The following GALNT10 variants were observed in gnomAD, a reference collection of about 807,000 sequenced individuals.
The protein encoded by GALNT10 is GalNAc transferase 10.
Under a neutral mutation model 75.0 loss-of-function variants are expected in GALNT10, and 41 were observed. The observed-to-expected ratio is 0.55, with a 90% CI of 0.43 to 0.71. The LOEUF is 0.71. Ranked by LOEUF, GALNT10 falls within the 30% of genes least tolerant of loss-of-function variation. The pLI, the probability that GALNT10 is intolerant of heterozygous loss-of-function variation, is 0.00. For missense variants in GALNT10, 727 were observed against 818.5 expected (o/e 0.89, Z 1.36); for synonymous variants, 302 against 313.0 (o/e 0.96, Z 0.37).
At chr5:154,396,562 A>G (rs1485974792) in intron 7 of GALNT10, among the ~76,000 whole-genome samples, 1 of 152,164 alleles carries the variant, frequency 6.6e-6, no homozygotes, top group Non-Finnish European at 1.5e-5. Flanking sequence ...CCCAGGTTCC[A>G]TTTTGGGTTC....
intron 1 of GALNT10, among the ~76,000 whole-genome samples, chr5:154,229,557 T>C (rs1753115461): frequency 1.3e-5 from 2 of 151,458 alleles, no homozygotes; most frequent in South Asian, 4.2e-4. Context: ...TGAAACCCCA[T>C]CTCTACTAAA....
At chr5:154,250,590 C>T (rs1421769272) in intron 1 of GALNT10, among the ~76,000 whole-genome samples, 1 of 152,098 alleles carries the variant, frequency 6.6e-6, no homozygotes, top group Non-Finnish European at 1.5e-5. Context: ...TTCCAGACAT[C>T]ACACATAGAC....
At chr5:154,321,818 C>T (rs1169720545) in intron 3 of GALNT10, among the ~76,000 whole-genome samples, 1 of 152,144 alleles carries the variant, frequency 6.6e-6, no homozygotes, top group Non-Finnish European at 1.5e-5. Context: ...GCACCTGCCC[C>T]CTAGAGAGGG....
In GALNT10 at chr5:154,404,156, ATATC is replaced by A. The variant is rs761058280; in HGVS notation, c.1112_1115del (p.Ile371ThrfsTer68). 10 of 1,613,480 alleles carry A rather than the reference ATATC, an allele frequency of 6.2e-6. No homozygotes were observed. The East Asian group carries it at 2.2e-4, about 36-fold the overall frequency. On this transcript the variant is annotated frameshift_variant, in exon 8 of 12. Transcript: ENST00000297107. LOFTEE classifies it high-confidence loss of function. ...GACATCCCCTGCTCCAGGGTGGGCC[ATATC>A]TACAGGAAGTATGTGCCCTACAAGG...
chr5:154,355,485 A>C (rs27827), intron 4 of GALNT10, among the ~76,000 whole-genome samples: 106,216 of 152,086 alleles, frequency 0.7, 37,168 homozygotes, highest in Admixed American at 0.77. Context: ...CCTGCCTCTC[A>C]AGCTCAGGAG....
At chr5:154,287,819 C>T (rs1027856808) in intron 1 of GALNT10, among the ~76,000 whole-genome samples, 7 of 151,956 alleles carry the variant, frequency 4.6e-5, no homozygotes, top group Non-Finnish European at 8.8e-5. Context: ...CTTGTTTAAA[C>T]TTTATATGCT....
At chr5:154,308,861 T>C (rs1754471095) in intron 3 of GALNT10, among the ~76,000 whole-genome samples, 2 of 152,168 alleles carry the variant, frequency 1.3e-5, no homozygotes, top group Non-Finnish European at 2.9e-5. Flanking sequence ...CAAATATCTA[T>C]TGAGTGTCTA....
intron 1 of GALNT10, among the ~76,000 whole-genome samples, chr5:154,217,660 C>T (rs1230784049): frequency 6.6e-6 from 1 of 152,196 alleles, no homozygotes; most frequent in Non-Finnish European, 1.5e-5. Context: ...TGTCCACACC[C>T]CTGTCACCAA....
rs70978534 is a variant in GALNT10, at chr5:154,294,976, TTGTGTGTGTGTGTG to T, written c.262+78_262+91del. 1,221 of 610,460 alleles carry T rather than the reference TTGTGTGTGTGTGTG, an allele frequency of 2.0e-3. 9 individuals carry two copies. In the African/African-American group the frequency reaches 0.021, roughly 11 times the overall value. The allele number at this position is 610,460 out of a possible 1,614,324, so 37.8% of individuals were successfully genotyped here. On this transcript the variant is annotated intron_variant, in intron 2 of 11. Coordinates refer to ENST00000297107, the MANE Select transcript of GALNT10 (RefSeq NM_198321.4). ...CTGTGAAGGGCATATGCACATATGCTTGTGTGTGTGTGTGTGTGTGTGTGTGTGTGTGTTCATGT... is the reference window on the plus strand; with the variant it reads ...CTGTGAAGGGCATATGCACATATGCTTGTGTGTGTGTGTGTGTGTTCATGT...
At chr5:154,318,900 A>G (rs896383) in intron 3 of GALNT10, among the ~76,000 whole-genome samples, 109,412 of 152,172 alleles carry the variant, frequency 0.72, 39,924 homozygotes, top group Admixed American at 0.83. Context: ...TAATCAGACC[A>G]TAAACCAAAG....
chr5:154,411,104 G>A (rs2034578), intron 9 of GALNT10, among the ~76,000 whole-genome samples: 50,981 of 152,030 alleles, frequency 0.34, 9,188 homozygotes, highest in East Asian at 0.41. Flanking sequence ...CTTGGAAAAG[G>A]GGAGCATAAG....
intron 7 of GALNT10, among the ~76,000 whole-genome samples, chr5:154,401,008 G>A (rs1756149981): frequency 6.6e-6 from 1 of 152,134 alleles, no homozygotes; most frequent in African/African-American, 2.4e-5. Context: ...TCCTGTGCTG[G>A]GCAGGGAAGC....
intron 6 of GALNT10, among the ~76,000 whole-genome samples, chr5:154,382,952 A>T (rs1173567200): frequency 6.6e-6 from 1 of 152,172 alleles, no homozygotes; most frequent in Non-Finnish European, 1.5e-5. Context: ...CTGGCTCTTG[A>T]CCCTAGCCAC....
At chr5:154,225,516 G>T (rs1343040300) in intron 1 of GALNT10, among the ~76,000 whole-genome samples, 1 of 151,548 alleles carries the variant, frequency 6.6e-6, no homozygotes, top group Non-Finnish European at 1.5e-5. Flanking sequence ...TCAGCCTCCT[G>T]AGTAGCTGGG....
intron 4 of GALNT10, chr5:154,356,400 A>G (rs986512973): frequency 1.5e-5 from 5 of 341,910 alleles, no homozygotes; most frequent in Non-Finnish European, 2.3e-5. Flanking sequence ...AGGCTCTGGG[A>G]GAGGGATCTG....
intron 3 of GALNT10, among the ~76,000 whole-genome samples, chr5:154,328,582 G>GTGATT (rs1754793042): frequency 6.6e-6 from 1 of 152,248 alleles, no homozygotes; most frequent in African/African-American, 2.4e-5. Context: ...CTGGTGTCCT[G>GTGATT]TGATTCAATT....
intron 1 of GALNT10, among the ~76,000 whole-genome samples, chr5:154,282,547 A>G (rs1754054625): frequency 6.6e-6 from 1 of 152,244 alleles, no homozygotes; most frequent in South Asian, 2.1e-4. Context: ...AGCCTTAGTT[A>G]GGAATCCAGA....
At chr5:154,192,049 G>C (rs1173871114) in intron 1 of GALNT10, among the ~76,000 whole-genome samples, 1 of 152,214 alleles carries the variant, frequency 6.6e-6, no homozygotes, top group Non-Finnish European at 1.5e-5. Context: ...AACATTTCAG[G>C]CTTTCTTACG....
At chr5:154,308,492 A>G (rs1258100327) in intron 3 of GALNT10, among the ~76,000 whole-genome samples, 1 of 152,204 alleles carries the variant, frequency 6.6e-6, no homozygotes, top group Admixed American at 6.5e-5. Flanking sequence ...GGATGTAACA[A>G]GAATTGAGCT....
Sources: allele counts gnomAD v4.1 joint callset (sites outside exome capture counted in the v4.1 genomes callset), GRCh38; gene constraint gnomAD v4.1.1; transcripts MANE v1.5; gene names NCBI Gene and HGNC (gene_info 2026-07-23, HGNC 2026-07-21).